CREBRF: variants seen among roughly 807,000 people sequenced by gnomAD.
The protein encoded by CREBRF is CREB3 regulatory factor, also known as UPF0474 protein C5orf41.
In CREBRF, 5 loss-of-function variants were observed where a neutral mutation model predicts 66.1. The observed-to-expected ratio is 0.08, with a 90% CI of 0.04 to 0.16. CREBRF has a LOEUF of 0.16. Ranked by LOEUF, CREBRF falls within the 10% of genes least tolerant of loss-of-function variation. The pLI, the probability that CREBRF is intolerant of heterozygous loss-of-function variation, is 1.00. For missense variants in CREBRF, 531 were observed against 744.9 expected (o/e 0.71, Z 3.34); for synonymous variants, 229 against 264.4 (o/e 0.87, Z 1.30).
At chr5:173,128,565 C>T (rs976165386) in intron 8 of CREBRF, among the ~76,000 whole-genome samples, 6 of 151,528 alleles carry the variant, frequency 4.0e-5, no homozygotes, top group Non-Finnish European at 8.8e-5. Context: ...TTCTGAATGT[C>T]AGGATGTTTG....
chr5:173,129,738 ATAC>A (rs1208873395), intron 8 of CREBRF, among the ~76,000 whole-genome samples: 5 of 149,518 alleles, frequency 3.3e-5, no homozygotes, highest in Middle Eastern at 7.0e-3. Context: ...AAAAAAAAAA[ATAC>A]ACACACACAA....
chr5:173,115,741 A>C (rs992943763), intron 7 of CREBRF, among the ~76,000 whole-genome samples: 2 of 152,020 alleles, frequency 1.3e-5, no homozygotes, highest in African/African-American at 4.8e-5. Context: ...AGTAGCTGGG[A>C]CTACAGGCAC....
chr5:173,081,652 G>A (rs187790928), intron 2 of CREBRF, among the ~76,000 whole-genome samples: 2 of 152,186 alleles, frequency 1.3e-5, no homozygotes, highest in Non-Finnish European at 2.9e-5. Flanking sequence ...GCTAGGCACA[G>A]TGGCTCACGC....
intron 1 of CREBRF, among the ~76,000 whole-genome samples, chr5:173,077,746 A>G (rs1757808348): frequency 6.6e-6 from 1 of 152,118 alleles, no homozygotes; most frequent in African/African-American, 2.4e-5. Context: ...TATTAAATAA[A>G]AACTATCCCA....
intron 2 of CREBRF, among the ~76,000 whole-genome samples, chr5:173,082,245 C>T (rs1001652240): frequency 2.0e-5 from 3 of 151,902 alleles, no homozygotes; most frequent in Non-Finnish European, 4.4e-5. Flanking sequence ...GATCTCCTGA[C>T]CTCGTGATCC....
chr5:173,086,087 G>A (rs1454008245), intron 2 of CREBRF: 2 of 831,290 alleles, frequency 2.4e-6, no homozygotes, highest in Non-Finnish European at 4.3e-6. Flanking sequence ...TCATAACTGT[G>A]ACTGCATAGT....
intron 4 of CREBRF, among the ~76,000 whole-genome samples, chr5:173,102,973 A>G (rs1758664789): frequency 1.3e-5 from 2 of 152,312 alleles, no homozygotes; most frequent in South Asian, 4.1e-4. Context: ...GTTGAGAGAT[A>G]AGGAGGTCTG....
intron 2 of CREBRF, among the ~76,000 whole-genome samples, chr5:173,084,733 C>T (rs1758081167): frequency 6.6e-6 from 1 of 152,154 alleles, no homozygotes; most frequent in African/African-American, 2.4e-5. Context: ...GCTCCACCTC[C>T]CGGGTTCATG....
chr5:173,130,056 C>T (rs1008517270), intron 8 of CREBRF, among the ~76,000 whole-genome samples: 3 of 152,164 alleles, frequency 2.0e-5, no homozygotes, highest in Admixed American at 6.5e-5. Flanking sequence ...AACTCCTGAC[C>T]TTGTGATCCA....
intron 3 of CREBRF, among the ~76,000 whole-genome samples, chr5:173,088,914 C>A (rs917188534): frequency 1.3e-5 from 2 of 152,004 alleles, no homozygotes; most frequent in Admixed American, 6.6e-5. Flanking sequence ...GCGCAGTGGT[C>A]ATGCCTGTAA....
At chr5:173,117,714 C>T (rs912406041) in intron 7 of CREBRF, among the ~76,000 whole-genome samples, 9 of 141,112 alleles carry the variant, frequency 6.4e-5, no homozygotes, top group African/African-American at 2.4e-4. Context: ...CCTCTCCTTC[C>T]ATCTTTCTAT....
At chr5:173,089,664 A>G (rs1758269686) in intron 3 of CREBRF, among the ~76,000 whole-genome samples, 1 of 149,644 alleles carries the variant, frequency 6.7e-6, no homozygotes, top group Non-Finnish European at 1.5e-5. Context: ...TCTACTTTAA[A>G]AAAAAAAAAA....
At chr5:173,092,757 G>T (rs1400783964) in intron 4 of CREBRF, among the ~76,000 whole-genome samples, 2 of 152,070 alleles carry the variant, frequency 1.3e-5, no homozygotes, top group East Asian at 3.8e-4. Flanking sequence ...TTTTCCTTTG[G>T]TGAAATCTTT....
At chr5:173,118,185 A>G (rs1046656756) in intron 7 of CREBRF, among the ~76,000 whole-genome samples, 1 of 149,594 alleles carries the variant, frequency 6.7e-6, no homozygotes, top group African/African-American at 2.5e-5. Flanking sequence ...GATTTTTGTA[A>G]TTTTAGTAGA....
intron 7 of CREBRF, among the ~76,000 whole-genome samples, chr5:173,120,834 C>T (rs1436520902): frequency 1.3e-5 from 2 of 151,614 alleles, no homozygotes; most frequent in Non-Finnish European, 2.9e-5. Context: ...GCTGGGATTA[C>T]AGGCACCTGC....
intron 2 of CREBRF, among the ~76,000 whole-genome samples, chr5:173,081,731 C>T (rs941974547): frequency 2.0e-5 from 3 of 152,032 alleles, no homozygotes; most frequent in Admixed American, 6.5e-5. Flanking sequence ...ACCAGCCTGG[C>T]GAACATTGTG....
intron 1 of CREBRF, among the ~76,000 whole-genome samples, chr5:173,068,816 C>A (rs1009483069): frequency 6.6e-6 from 1 of 151,982 alleles, no homozygotes; most frequent in African/African-American, 2.4e-5. Flanking sequence ...CGCCTGTAAT[C>A]CCAGCACTTT....
chr5:173,101,466 A>G (rs1758626032), intron 4 of CREBRF, among the ~76,000 whole-genome samples: 2 of 152,136 alleles, frequency 1.3e-5, no homozygotes, highest in South Asian at 4.1e-4. Context: ...TTCATTGTAT[A>G]TGACAAGTTG....
chr5:173,056,503 G>C, intron 1 of CREBRF, 24 bp downstream of exon 1: 2 of 398,322 alleles, frequency 5.0e-6, no homozygotes, highest in South Asian at 2.5e-4. Context: ...CCCGCTGCTC[G>C]GAACCCCCAG....
Sources: allele counts gnomAD v4.1 joint callset (sites outside exome capture counted in the v4.1 genomes callset), GRCh38; gene constraint gnomAD v4.1.1; transcripts MANE v1.5; gene names NCBI Gene and HGNC (gene_info 2026-07-23, HGNC 2026-07-21).